Variants in PTPRM observed in about 807,000 individuals in gnomAD.
PTPRM encodes the protein receptor-type tyrosine-protein phosphatase mu.
In PTPRM, 47 loss-of-function variants were observed where a neutral mutation model predicts 186.7. That is an observed-to-expected ratio of 0.25 (90% CI 0.20 to 0.32). The LOEUF (loss-of-function observed/expected upper bound fraction) is 0.32. Ranked by LOEUF, PTPRM falls within the 10% of genes least tolerant of loss-of-function variation. The probability of loss-of-function intolerance (pLI) is 1.00; values close to 1 mark genes in which losing one functional copy is unlikely to be tolerated. For missense variants in PTPRM, 1,494 were observed against 1,865.0 expected, an observed-to-expected ratio of 0.80 and a Z score of 3.66; for synonymous variants, 668 against 674.9, an observed-to-expected ratio of 0.99 and a Z score of 0.16.
intron 23 of PTPRM, among the ~76,000 whole-genome samples, chr18:8,345,147 C>T (rs1376849540): frequency 6.6e-6 from 1 of 152,078 alleles, no homozygotes; most frequent in Non-Finnish European, 1.5e-5. Flanking sequence ...GAAGGAAATA[C>T]ATGTTTTTAA....
intron 7 of PTPRM, among the ~76,000 whole-genome samples, chr18:7,972,941 G>T (rs2054665152): frequency 6.6e-6 from 1 of 151,970 alleles, no homozygotes; most frequent in African/African-American, 2.4e-5. Flanking sequence ...TAACAAATAG[G>T]ATTATATTGT....
At chr18:7,996,907 T>A (rs1391855705) in intron 7 of PTPRM, among the ~76,000 whole-genome samples, 1 of 151,914 alleles carries the variant, frequency 6.6e-6, no homozygotes, top group African/African-American at 2.4e-5. Context: ...AATGAAAAGA[T>A]ATTACATGTG....
rs531317849 is a variant in PTPRM at position 7,783,384 on chromosome 18, A to T, written c.196+9113A>T. On this transcript the variant is annotated intron_variant, in intron 2 of 32. Coordinates refer to ENST00000580170, the MANE Select transcript of PTPRM (RefSeq NM_001105244.2). ...CTTGGCAATATGAGTCAAGAAAGGG[A>T]CAATGAGTTTTGAGGTGACACTCAT... Among the ~76,000 whole-genome samples the T allele has an allele frequency of 1.2e-4, 18 of 152,266 alleles. No homozygotes were observed. In the South Asian group the frequency reaches 3.5e-3, roughly 30 times the overall value.
intron 2 of PTPRM, among the ~76,000 whole-genome samples, chr18:7,842,435 C>G (rs1429393227): frequency 1.3e-5 from 2 of 152,188 alleles, no homozygotes; most frequent in Non-Finnish European, 2.9e-5. Flanking sequence ...TTTGTGTCCA[C>G]TTGGCCAGGT....
chr18:7,710,108 G>T lies in PTPRM; in HGVS notation c.74-64041G>T, dbSNP rs990346567. ...AACATAACAAAAAGAGAAACCTACA[G>T]ACCAATATCCCTGATGAACACAGAT... On this transcript the variant is annotated intron_variant, in intron 1 of 32. Transcript: ENST00000580170. Among the ~76,000 whole-genome samples, 27 of 152,098 alleles carry T rather than the reference G, an allele frequency of 1.8e-4. 1 individual carries two copies. Among genetic ancestry groups the T allele is most frequent in the Admixed American group, 1.6e-3 (24 of 15,264 alleles).
intron 1 of PTPRM, among the ~76,000 whole-genome samples, chr18:7,773,570 G>GTTTTTTT (rs10708698): frequency 1.1e-4 from 14 of 129,054 alleles, no homozygotes; most frequent in Non-Finnish European, 1.8e-4. Flanking sequence ...TCTTTTCTTT[G>GTTTTTTT]TTTTTTTTTT....
At chr18:8,300,434 GA>G (rs1171544335) in intron 20 of PTPRM, among the ~76,000 whole-genome samples, 1 of 150,530 alleles carries the variant, frequency 6.6e-6, no homozygotes, top group Non-Finnish European at 1.5e-5. Context: ...GTTGTTACCT[GA>G]AAAAAAATCT....
chr18:8,129,215 A>G (rs2092444775), intron 13 of PTPRM, among the ~76,000 whole-genome samples: 1 of 139,540 alleles, frequency 7.2e-6, no homozygotes, highest in South Asian at 2.5e-4. Context: ...CTTTTTGATA[A>G]GGAAATATAT....
intron 24 of PTPRM, among the ~76,000 whole-genome samples, chr18:8,372,088 G>A (rs1172720957): frequency 2.4e-5 from 1 of 42,476 alleles, no homozygotes; most frequent in Non-Finnish European, 6.9e-5. Context: ...TTTTTAAGAC[G>A]GAGTCTCGCT....
intron 7 of PTPRM, among the ~76,000 whole-genome samples, chr18:8,026,936 T>G (rs569158414): frequency 3.3e-5 from 5 of 152,294 alleles, no homozygotes; most frequent in African/African-American, 1.2e-4. Context: ...TCTTGTACAA[T>G]AAGGCATTGA....
intron 19 of PTPRM, among the ~76,000 whole-genome samples, chr18:8,283,534 A>G (rs1323570898): frequency 2.6e-5 from 4 of 152,208 alleles, no homozygotes; most frequent in African/African-American, 7.2e-5. Flanking sequence ...GCTTACATCT[A>G]TGAGACATTT....
chr18:7,757,186 G>A (rs1479913052), intron 1 of PTPRM, among the ~76,000 whole-genome samples: 2 of 152,104 alleles, frequency 1.3e-5, no homozygotes, highest in African/African-American at 2.4e-5. Context: ...TCTGAAGTAG[G>A]CCTTTTAGTA....
intron 7 of PTPRM, among the ~76,000 whole-genome samples, chr18:7,965,736 A>G (rs2053998951): frequency 6.6e-6 from 1 of 152,206 alleles, no homozygotes; most frequent in Non-Finnish European, 1.5e-5. Flanking sequence ...TTTGGGAAGC[A>G]GGTGGATTTT....
At chr18:8,105,704 C>T (rs2091484202) in intron 11 of PTPRM, among the ~76,000 whole-genome samples, 1 of 152,184 alleles carries the variant, frequency 6.6e-6, no homozygotes, top group African/African-American at 2.4e-5. Context: ...GGGCGGCAAG[C>T]CCAGGGCGCC....
intron 5 of PTPRM, among the ~76,000 whole-genome samples, chr18:7,945,171 C>G (rs73381838): frequency 0.019 from 2,866 of 151,856 alleles, 49 homozygotes; most frequent in African/African-American, 0.039. Flanking sequence ...TGCAGAGTCC[C>G]GGCCGGGCGT....
intron 4 of PTPRM, among the ~76,000 whole-genome samples, chr18:7,924,227 T>C (rs1599535915): frequency 6.6e-6 from 1 of 152,200 alleles, no homozygotes; most frequent in Non-Finnish European, 1.5e-5. Flanking sequence ...ACAGTGGTGG[T>C]GATTAATCTT....
chr18:7,999,684 C>T (rs1477244443), intron 7 of PTPRM, among the ~76,000 whole-genome samples: 1 of 151,892 alleles, frequency 6.6e-6, no homozygotes. Flanking sequence ...TGTGTTGATG[C>T]TAATTGAGCA....
chr18:7,670,019 C>T (rs1748937458), intron 1 of PTPRM, among the ~76,000 whole-genome samples: 2 of 152,286 alleles, frequency 1.3e-5, no homozygotes, highest in South Asian at 4.1e-4. Flanking sequence ...GCTGGGATTA[C>T]AGGTGTGAGC....
chr18:8,368,465 G>A (rs2095645365), intron 23 of PTPRM, among the ~76,000 whole-genome samples: 1 of 152,068 alleles, frequency 6.6e-6, no homozygotes, highest in African/African-American at 2.4e-5. Context: ...TAATGAGGGG[G>A]GAAAAGATTC....
Sources: allele counts gnomAD v4.1 joint callset (sites outside exome capture counted in the v4.1 genomes callset), GRCh38; gene constraint gnomAD v4.1.1; transcripts MANE v1.5; gene names NCBI Gene and HGNC (gene_info 2026-07-23, HGNC 2026-07-21).